NACC2: variants seen among roughly 807,000 people sequenced by gnomAD.
NACC2 encodes the protein nucleus accumbens-associated protein 2.
A neutral mutation model predicts 25.1 loss-of-function variants in NACC2; 8 were observed. The observed-to-expected ratio is 0.32, with a 90% CI of 0.19 to 0.57. NACC2 has a LOEUF of 0.57. Among genes scored for constraint, NACC2 ranks in the 20% least tolerant of loss-of-function variants. The probability of loss-of-function intolerance (pLI) is 0.89; values close to 1 mark genes in which losing one functional copy is unlikely to be tolerated. For missense variants in NACC2, 644 were observed against 650.2 expected, an observed-to-expected ratio of 0.99 and a Z score of 0.10; for synonymous variants, 435 against 294.7, an observed-to-expected ratio of 1.48 and a Z score of -4.88.
intron 2 of NACC2, among the ~76,000 whole-genome samples, chr9:136,044,154 C>A (rs995851669): frequency 2.6e-5 from 4 of 151,912 alleles, no homozygotes; most frequent in African/African-American, 9.7e-5. Flanking sequence ...GCAAAAAAGG[C>A]GGGGAGGAGA....
At chr9:136,014,383 T>C (rs988824986) in intron 3 of NACC2, among the ~76,000 whole-genome samples, 1 of 152,092 alleles carries the variant, frequency 6.6e-6, no homozygotes, top group Admixed American at 6.5e-5. Flanking sequence ...TGGCTCACTG[T>C]AGCCTCGACC....
At chr9:136,036,999 A>G (rs1172478633) in intron 2 of NACC2, among the ~76,000 whole-genome samples, 1 of 152,244 alleles carries the variant, frequency 6.6e-6, no homozygotes, top group African/African-American at 2.4e-5. Flanking sequence ...AAGACACAAT[A>G]AACACAGAAG....
chr9:136,007,014 G>A lies in NACC2; in HGVS notation c.*4502C>T, dbSNP rs1840022670. 1 of 154,164 alleles carries A rather than the reference G, an allele frequency of 6.5e-6. No individual in the cohort carries two copies. The highest frequency in any genetic ancestry group is 1.5e-5 in the Non-Finnish European group (1 of 68,230). 9.5% of individuals were successfully genotyped at this position (154,164 alleles called of 1,614,324 possible). On this transcript the variant is annotated 3_prime_UTR_variant, in exon 6 of 6. Transcript: ENST00000277554. ...TTTCCAAACATTCCATCCGAAGGAT[G>A]GATGCTCTACTTGCACCCAGTGCCA...
intron 2 of NACC2, among the ~76,000 whole-genome samples, chr9:136,047,696 G>A (rs886620526): frequency 3.3e-5 from 5 of 152,096 alleles, no homozygotes; most frequent in African/African-American, 9.7e-5. Context: ...GCTGCCTCCC[G>A]TCCCCACCCA....
At chr9:136,056,330 C>G (rs1372220579) in intron 1 of NACC2, among the ~76,000 whole-genome samples, 10 of 152,154 alleles carry the variant, frequency 6.6e-5, no homozygotes, top group South Asian at 4.1e-4. Flanking sequence ...CCTCGGCGGC[C>G]AGGAACTCCC....
At chr9:136,028,746 G>A (rs1840433042) in intron 2 of NACC2, among the ~76,000 whole-genome samples, 1 of 152,226 alleles carries the variant, frequency 6.6e-6, no homozygotes, top group Non-Finnish European at 1.5e-5. Context: ...TGGGGGCCTG[G>A]GAAGCCCCCC....
chr9:136,093,841 G>A (rs980154807), intron 1 of NACC2, among the ~76,000 whole-genome samples: 3 of 152,128 alleles, frequency 2.0e-5, no homozygotes, highest in African/African-American at 7.2e-5. Context: ...GGGGCTGCCT[G>A]AACCCTGACC....
chr9:136,080,831 G>A (rs1312259260), intron 1 of NACC2, among the ~76,000 whole-genome samples: 6 of 152,108 alleles, frequency 3.9e-5, no homozygotes, highest in Non-Finnish European at 8.8e-5. Context: ...ACCACAGGCC[G>A]GCCTGTGCCC....
At chr9:136,023,372 G>A (rs1483082723) in intron 2 of NACC2, among the ~76,000 whole-genome samples, 1 of 151,976 alleles carries the variant, frequency 6.6e-6, no homozygotes, top group African/African-American at 2.4e-5. Context: ...CGGAGAACGT[G>A]GGATCCCCGA....
chr9:136,067,061 G>A (rs556845284), intron 1 of NACC2, among the ~76,000 whole-genome samples: 31 of 152,048 alleles, frequency 2.0e-4, no homozygotes, highest in African/African-American at 7.2e-4. Flanking sequence ...GACCAGCCTC[G>A]GCAAGCAACA....
At chr9:136,025,610 C>T (rs1361720255) in intron 2 of NACC2, among the ~76,000 whole-genome samples, 10 of 150,902 alleles carry the variant, frequency 6.6e-5, no homozygotes, top group Non-Finnish European at 1.5e-5. Flanking sequence ...GGATTAAGTC[C>T]TATTAAAAAA....
chr9:136,066,911 T>C (rs957735535), intron 1 of NACC2, among the ~76,000 whole-genome samples: 1 of 151,706 alleles, frequency 6.6e-6, no homozygotes, highest in African/African-American at 2.4e-5. Flanking sequence ...AGATTCCATT[T>C]ATATAAAATG....
At chr9:136,043,840 G>A (rs1022937306) in intron 2 of NACC2, among the ~76,000 whole-genome samples, 1 of 152,028 alleles carries the variant, frequency 6.6e-6, no homozygotes, top group African/African-American at 2.4e-5. Context: ...TTTGTTTTTT[G>A]GTTGGGGACA....
intron 1 of NACC2, among the ~76,000 whole-genome samples, chr9:136,089,589 G>A (rs1830415049): frequency 6.7e-6 from 1 of 150,140 alleles, no homozygotes. Flanking sequence ...CTCCTCTGAG[G>A]CTCCCCCAAC....
chr9:136,086,472 G>C lies in NACC2; in HGVS notation c.-60+8717C>G, dbSNP rs998235551. Among the ~76,000 whole-genome samples the C allele has an allele frequency of 1.3e-5, 2 of 152,148 alleles. No homozygotes were observed. The highest frequency in any genetic ancestry group is 4.8e-5 in the African/African-American group (2 of 41,434). On this transcript the variant is annotated intron_variant, in intron 1 of 5. Coordinates refer to ENST00000277554, the MANE Select transcript of NACC2 (RefSeq NM_144653.5). The surrounding 1 kb of genome is among the most constrained non-coding windows in gnomAD (Gnocchi z 5.6). ...GAGCGGCTGGGCTTCCCTGAGGTCT[G>C]GCTTGGTGTGGGCCCCAGGGACGTC...
At position 136,013,369 on chromosome 9, in the gene NACC2, GA is replaced by G. The variant is rs990216491; in HGVS notation, c.1158-74del. The G allele has an allele frequency of 3.6e-6, 5 of 1,386,778 alleles. No homozygotes were observed. In the African/African-American group the frequency reaches 5.7e-5, roughly 16 times the overall value. 85.9% of individuals were successfully genotyped at this position (1,386,778 alleles called of 1,614,324 possible). ...GTACCTGGAGGCGACCCGCCCGCACGAATGCCCTGCTGGGAGGCCACTTGGC... is the reference window on the plus strand; with the variant it reads ...GTACCTGGAGGCGACCCGCCCGCACGATGCCCTGCTGGGAGGCCACTTGGC... On this transcript the variant is annotated intron_variant, in intron 4 of 5. Coordinates refer to ENST00000277554, the MANE Select transcript of NACC2 (RefSeq NM_144653.5). The surrounding 1 kb of genome is among the most constrained non-coding windows in gnomAD (Gnocchi z 6.6).
In NACC2 at chr9:136,020,322, G is replaced by A. The variant is rs1840271398; in HGVS notation, c.887-3893C>T. Among the ~76,000 whole-genome samples the A allele has an allele frequency of 6.6e-6, 1 of 152,166 alleles. No individual in the cohort carries two copies. The highest frequency in any genetic ancestry group is 6.5e-5 in the Admixed American group (1 of 15,282). On this transcript the variant is annotated intron_variant, in intron 2 of 5. Transcript: ENST00000277554. The surrounding 1 kb of genome is among the most constrained non-coding windows in gnomAD (Gnocchi z 4.7). ...TCTGAGGTGCTCCACGTCCTCACCA[G>A]GCAAAACACCCCGAGATCCCTGCCC...
chr9:136,066,216 A>C (rs1333162735), intron 1 of NACC2, among the ~76,000 whole-genome samples: 1 of 152,016 alleles, frequency 6.6e-6, no homozygotes, highest in Non-Finnish European at 1.5e-5. Context: ...GAAAGAAAGA[A>C]AAAGAAACCA....
chr9:136,060,745 C>G (rs985303845), intron 1 of NACC2, among the ~76,000 whole-genome samples: 13 of 152,220 alleles, frequency 8.5e-5, no homozygotes, highest in Admixed American at 7.9e-4. Context: ...ACGGAGCCAT[C>G]AGGGGGACCC....
Sources: gnomAD v4.1 joint callset for allele counts (sites outside exome capture counted in the v4.1 genomes callset) on GRCh38, gnomAD v4.1.1 for gene constraint, Gnocchi (gnomAD v3.1) non-coding constraint, MANE v1.5 for transcripts, NCBI Gene and HGNC (gene_info 2026-07-23, HGNC 2026-07-21) for gene names.